PDE1A: variants seen among roughly 807,000 people sequenced by gnomAD.
The protein encoded by PDE1A is dual specificity calcium/calmodulin-dependent 3',5'-cyclic nucleotide phosphodiesterase 1A.
Under a neutral mutation model 61.7 loss-of-function variants are expected in PDE1A, and 35 were observed. The ratio of observed to expected loss-of-function variants is 0.57; its 90% CI spans 0.43 to 0.75. The LOEUF (loss-of-function observed/expected upper bound fraction) is 0.75. Among genes scored for constraint, PDE1A ranks in the 30% least tolerant of loss-of-function variants. PDE1A has a pLI of 0.00. For missense variants in PDE1A, 597 were observed against 630.6 expected, an observed-to-expected ratio of 0.95 and a Z score of 0.57; for synonymous variants, 232 against 213.2, an observed-to-expected ratio of 1.09 and a Z score of -0.77.
chr2:182,661,671 C>T, the PDE1A span, among the ~76,000 whole-genome samples: 1 of 152,020 alleles, frequency 6.6e-6, no homozygotes, highest in East Asian at 1.9e-4. Flanking sequence ...ACAAAATAAT[C>T]CTACAAGAAA....
At chr2:182,502,334 T>TTG (rs1039915112) in intron 2 of PDE1A, among the ~76,000 whole-genome samples, 1 of 130,126 alleles carries the variant, frequency 7.7e-6, no homozygotes, top group African/African-American at 2.7e-5. Context: ...GTGTGTGTGT[T>TTG]TGTGTGTGTG....
chr2:182,575,240 G>C, the PDE1A span, among the ~76,000 whole-genome samples: 1 of 152,076 alleles, frequency 6.6e-6, no homozygotes, highest in Non-Finnish European at 1.5e-5. Flanking sequence ...CACAGAGTAT[G>C]ATAATACTAA....
At chr2:182,451,624 T>G (rs2125717315) in intron 2 of PDE1A, among the ~76,000 whole-genome samples, 1 of 152,246 alleles carries the variant, frequency 6.6e-6, no homozygotes, top group African/African-American at 2.4e-5. Flanking sequence ...GTAAGAATTC[T>G]GCTATTGTTT....
At chr2:182,653,116 T>C in the PDE1A span, among the ~76,000 whole-genome samples, 1 of 152,204 alleles carries the variant, frequency 6.6e-6, no homozygotes, top group Non-Finnish European at 1.5e-5. Flanking sequence ...GGAATCACTT[T>C]CGACCCTTTT....
At chr2:182,311,049 C>T (rs925052771) in intron 1 of PDE1A, among the ~76,000 whole-genome samples, 2 of 152,240 alleles carry the variant, frequency 1.3e-5, no homozygotes, top group Non-Finnish European at 2.9e-5. Flanking sequence ...GTTTGAGATC[C>T]TGCCTCATCC....
At chr2:182,617,270 C>T in the PDE1A span, among the ~76,000 whole-genome samples, 1 of 152,130 alleles carries the variant, frequency 6.6e-6, no homozygotes, top group African/African-American at 2.4e-5. Flanking sequence ...TTCAATAAAA[C>T]TGGACACCAA....
At chr2:182,257,070 C>G (rs1389273838) in intron 2 of PDE1A, among the ~76,000 whole-genome samples, 1 of 152,208 alleles carries the variant, frequency 6.6e-6, no homozygotes, top group Non-Finnish European at 1.5e-5. Context: ...TTTTCAGTAA[C>G]CCTGCTTTCT....
At chr2:182,356,901 A>G (rs568508100) in intron 1 of PDE1A, among the ~76,000 whole-genome samples, 4 of 152,276 alleles carry the variant, frequency 2.6e-5, no homozygotes, top group African/African-American at 9.6e-5. Flanking sequence ...TGAAGCTGGA[A>G]GCCATCATTC....
intron 1 of PDE1A, among the ~76,000 whole-genome samples, chr2:182,306,519 G>A (rs1181163031): frequency 6.6e-6 from 1 of 151,686 alleles, no homozygotes; most frequent in Non-Finnish European, 1.5e-5. Context: ...GCAATATTGA[G>A]CAAAAAGAAC....
At chr2:182,659,623 A>G in the PDE1A span, among the ~76,000 whole-genome samples, 3,817 of 152,306 alleles carry the variant, frequency 0.025, 135 homozygotes, top group African/African-American at 0.081. Flanking sequence ...TGAAAAGGTT[A>G]TATGAAAGAG....
chr2:182,610,992 G>A, the PDE1A span, among the ~76,000 whole-genome samples: 1 of 152,174 alleles, frequency 6.6e-6, no homozygotes. Flanking sequence ...CAGAGGTTCT[G>A]CTTTTTTGAC....
At chr2:182,703,993 G>A in the PDE1A span, among the ~76,000 whole-genome samples, 1 of 151,572 alleles carries the variant, frequency 6.6e-6, no homozygotes, top group African/African-American at 2.4e-5. Context: ...CTTAGGTTAG[G>A]AGTTCGAGAC....
At chr2:182,423,608 T>TA (rs1490769571) in intron 1 of PDE1A, among the ~76,000 whole-genome samples, 1 of 152,206 alleles carries the variant, frequency 6.6e-6, no homozygotes, top group Non-Finnish European at 1.5e-5. Context: ...TCAGGTCACT[T>TA]AGGTGTTTAG....
At chr2:182,476,912 C>T (rs926635460) in intron 2 of PDE1A, among the ~76,000 whole-genome samples, 5 of 149,672 alleles carry the variant, frequency 3.3e-5, no homozygotes, top group East Asian at 2.0e-4. Flanking sequence ...AAAAAAAACT[C>T]TGAGCTTCCT....
intron 2 of PDE1A, among the ~76,000 whole-genome samples, chr2:182,452,230 A>G (rs1685573640): frequency 6.6e-6 from 1 of 152,176 alleles, no homozygotes. Context: ...CGCTACCAAC[A>G]TGACTGCATA....
the PDE1A span, among the ~76,000 whole-genome samples, chr2:182,552,286 T>C: frequency 1.3e-5 from 2 of 152,086 alleles, no homozygotes; most frequent in Non-Finnish European, 2.9e-5. Context: ...AAAGAAAGCA[T>C]GTTAGCATAA....
the PDE1A span, among the ~76,000 whole-genome samples, chr2:182,674,721 G>A: frequency 6.6e-6 from 1 of 151,926 alleles, no homozygotes; most frequent in Non-Finnish European, 1.5e-5. Context: ...GCCTGAAGAA[G>A]TTCCATTTTC....
At chr2:182,278,062 T>C (rs904471596) in intron 1 of PDE1A, among the ~76,000 whole-genome samples, 2 of 151,964 alleles carry the variant, frequency 1.3e-5, no homozygotes, top group African/African-American at 4.8e-5. Context: ...GACTTCTTCT[T>C]GGAAGATCAA....
chr2:182,657,095 T>C, the PDE1A span, among the ~76,000 whole-genome samples: 3 of 152,082 alleles, frequency 2.0e-5, no homozygotes, highest in Non-Finnish European at 2.9e-5. Context: ...TGGTGGTGCA[T>C]GCCTATAGTC....
Sources: gnomAD v4.1 joint callset for allele counts (sites outside exome capture counted in the v4.1 genomes callset) on GRCh38, gnomAD v4.1.1 for gene constraint, MANE v1.5 for transcripts, NCBI Gene and HGNC (gene_info 2026-07-23, HGNC 2026-07-21) for gene names.